Variants in AGBL4 observed in about 807,000 individuals in gnomAD.
AGBL4 encodes the protein cytosolic carboxypeptidase 6.
Under a neutral mutation model 66.4 loss-of-function variants are expected in AGBL4, and 58 were observed. The observed-to-expected ratio is 0.87, with a 90% CI of 0.71 to 1.09. AGBL4 has a LOEUF of 1.09. Among genes scored for constraint, AGBL4 ranks in the 50% least tolerant of loss-of-function variants. The pLI is 0.00. For missense variants in AGBL4, 579 were observed against 631.0 expected (o/e 0.92, Z 0.88); for synonymous variants, 234 against 222.9 (o/e 1.05, Z -0.44).
intron 3 of AGBL4, among the ~76,000 whole-genome samples, chr1:49,594,346 A>T (rs1040656398): frequency 6.6e-6 from 1 of 152,132 alleles, no homozygotes; most frequent in Non-Finnish European, 1.5e-5. Flanking sequence ...TTAATTTTTT[A>T]AAATCTTTTT....
chr1:48,531,352 C>A (rs1256563540), downstream of AGBL4, among the ~76,000 whole-genome samples: 2 of 152,134 alleles, frequency 1.3e-5, no homozygotes, highest in Non-Finnish European at 2.9e-5. Context: ...AATGTAACAT[C>A]CTGTCCCATG....
chr1:49,391,561 TTG>T (rs1491081652), intron 3 of AGBL4, among the ~76,000 whole-genome samples: 100 of 88,736 alleles, frequency 1.1e-3, no homozygotes, highest in African/African-American at 4.3e-3. Flanking sequence ...TTTTTTTTTT[TTG>T]TTTTTTTTTT....
chr1:49,127,936 C>A (rs1398480447), intron 4 of AGBL4, among the ~76,000 whole-genome samples: 1 of 151,782 alleles, frequency 6.6e-6, no homozygotes, highest in African/African-American at 2.4e-5. Flanking sequence ...AACAGTCAAT[C>A]AAAAATTAAA....
chr1:48,552,246 C>G (rs2148284595), intron 11 of AGBL4, among the ~76,000 whole-genome samples: 1 of 152,154 alleles, frequency 6.6e-6, no homozygotes, highest in Middle Eastern at 3.4e-3. Context: ...GTGTTTTTAA[C>G]AGAGACGAGG....
intron 4 of AGBL4, among the ~76,000 whole-genome samples, chr1:49,116,271 C>T (rs146110785): frequency 0.01 from 1,575 of 152,154 alleles, 5 homozygotes; most frequent in Middle Eastern, 0.024. Flanking sequence ...GCACAACGTG[C>T]AGGTTTGTTA....
At chr1:49,839,211 T>A (rs1645927628) in intron 2 of AGBL4, among the ~76,000 whole-genome samples, 1 of 152,176 alleles carries the variant, frequency 6.6e-6, no homozygotes, top group African/African-American at 2.4e-5. Flanking sequence ...TATAATTCAG[T>A]AAGGAGGTCA....
At chr1:49,337,564 T>A (rs1645462421) in intron 3 of AGBL4, among the ~76,000 whole-genome samples, 1 of 152,196 alleles carries the variant, frequency 6.6e-6, no homozygotes, top group Non-Finnish European at 1.5e-5. Flanking sequence ...AAAACACTTG[T>A]GTGCACAGTA....
intron 3 of AGBL4, among the ~76,000 whole-genome samples, chr1:49,573,640 C>T (rs552846047): frequency 3.9e-5 from 6 of 152,264 alleles, no homozygotes; most frequent in Non-Finnish European, 7.4e-5. Context: ...TAAGATTGCC[C>T]TGAGTGAGAG....
chr1:49,586,810 A>T (rs1644657129), intron 3 of AGBL4, among the ~76,000 whole-genome samples: 1 of 152,228 alleles, frequency 6.6e-6, no homozygotes, highest in South Asian at 2.1e-4. Flanking sequence ...TTTATAAATT[A>T]AAAGGAAAAA....
chr1:49,260,817 C>A (rs1653071686), intron 3 of AGBL4, among the ~76,000 whole-genome samples: 1 of 152,044 alleles, frequency 6.6e-6, no homozygotes, highest in Admixed American at 6.6e-5. Flanking sequence ...ATGAGGCCAG[C>A]ATCATCCTGA....
At chr1:49,824,935 G>A (rs571583994) in intron 2 of AGBL4, among the ~76,000 whole-genome samples, 1 of 152,216 alleles carries the variant, frequency 6.6e-6, no homozygotes, top group African/African-American at 2.4e-5. Flanking sequence ...CTGAGCTATT[G>A]CTATTTTTTG....
intron 3 of AGBL4, among the ~76,000 whole-genome samples, chr1:49,620,649 CT>C (rs1645341933): frequency 1.3e-5 from 2 of 152,074 alleles, no homozygotes; most frequent in Non-Finnish European, 2.9e-5. Context: ...GAAAAGTTTG[CT>C]CAGGTTCACT....
intron 1 of AGBL4, among the ~76,000 whole-genome samples, chr1:49,976,344 C>T (rs1288448311): frequency 6.6e-6 from 1 of 152,098 alleles, no homozygotes; most frequent in African/African-American, 2.4e-5. Flanking sequence ...ATATTAATGG[C>T]TTCCCTGTAC....
intron 3 of AGBL4, among the ~76,000 whole-genome samples, chr1:49,379,132 G>T (rs1222054264): frequency 1.3e-5 from 2 of 152,044 alleles, no homozygotes; most frequent in Non-Finnish European, 2.9e-5. Context: ...AAGAGCATTT[G>T]CAGGCTGAGG....
intron 6 of AGBL4, among the ~76,000 whole-genome samples, chr1:48,795,999 A>G (rs2148736086): frequency 6.6e-6 from 1 of 152,086 alleles, no homozygotes; most frequent in East Asian, 1.9e-4. Context: ...GACTACCATC[A>G]CCATCAAGAT....
chr1:48,546,096 AT>A (rs962725853), intron 11 of AGBL4, among the ~76,000 whole-genome samples: 10 of 151,962 alleles, frequency 6.6e-5, no homozygotes, highest in Admixed American at 5.2e-4. Context: ...AGCAGGAACT[AT>A]TTTTTTTAGA....
intron 5 of AGBL4, among the ~76,000 whole-genome samples, chr1:48,947,606 T>C (rs1449808403): frequency 1.3e-5 from 2 of 152,170 alleles, no homozygotes; most frequent in Non-Finnish European, 2.9e-5. Context: ...CAAAAGAGAT[T>C]TGTAAAATGA....
intron 3 of AGBL4, among the ~76,000 whole-genome samples, chr1:49,576,185 T>A (rs1571084999): frequency 1.3e-5 from 2 of 152,346 alleles, no homozygotes; most frequent in South Asian, 4.1e-4. Context: ...CCTATTTGGA[T>A]TCTGGAGGCA....
At chr1:49,877,823 GC>G (rs1471758360) in intron 1 of AGBL4, among the ~76,000 whole-genome samples, 20 of 151,418 alleles carry the variant, frequency 1.3e-4, no homozygotes, top group African/African-American at 4.6e-4. Context: ...ATTGATTATT[GC>G]CACAATTTCA....
Sources: gnomAD v4.1 joint callset for allele counts (sites outside exome capture counted in the v4.1 genomes callset) on GRCh38, gnomAD v4.1.1 for gene constraint, MANE v1.5 for transcripts, NCBI Gene and HGNC (gene_info 2026-07-23, HGNC 2026-07-21) for gene names.